MRC2: variants seen among roughly 807,000 people sequenced by gnomAD.
MRC2 encodes mannose receptor C-type 2.
MRC2 carries 84 observed loss-of-function variants against 206.2 expected under a neutral mutation model. That is an observed-to-expected ratio of 0.41 (90% confidence interval 0.34 to 0.49). MRC2 has a LOEUF of 0.49. Ranked by LOEUF, MRC2 falls within the 20% of genes least tolerant of loss-of-function variation. MRC2 has a pLI of 0.31. For synonymous variants in MRC2, 798 were observed against 800.0 expected (o/e 1.00, Z 0.04); for missense variants, 1,676 against 2,001.5 (o/e 0.84, Z 3.10).
At chr17:62,660,037 G>C (rs1365262662) in intron 1 of MRC2, among the ~76,000 whole-genome samples, 1 of 152,232 alleles carries the variant, frequency 6.6e-6, no homozygotes, top group African/African-American at 2.4e-5. Flanking sequence ...GGTTCTGGAA[G>C]TGGCAGAGTA....
chr17:62,689,033 G>A (rs2089067912), intron 23 of MRC2, 73 bp downstream of exon 23: 1 of 1,229,744 alleles, frequency 8.1e-7, no homozygotes, highest in African/African-American at 1.5e-5. Flanking sequence ...ACCATGCCAG[G>A]AGGAAGGAAT....
In MRC2 at chr17:62,667,009, A is replaced by G; in HGVS notation, c.973+139A>G. The G allele has an allele frequency of 1.4e-6, 1 of 714,768 alleles. No individual in the cohort carries two copies. Among genetic ancestry groups the G allele is most frequent in the Non-Finnish European group, 2.4e-6 (1 of 419,734 alleles). 44.3% of individuals were successfully genotyped at this position (714,768 alleles called of 1,614,324 possible). ...CACCGACCTCCACCCCCCTCCCCAGACTGCGCCCCCCTAGCCCATGTAGGG... is the reference window on the plus strand; with the variant it reads ...CACCGACCTCCACCCCCCTCCCCAGGCTGCGCCCCCCTAGCCCATGTAGGG... On this transcript the variant is annotated intron_variant, in intron 5 of 29. Coordinates refer to ENST00000303375, the MANE Select transcript of MRC2 (RefSeq NM_006039.5). The surrounding 1 kb of genome is among the most constrained non-coding windows in gnomAD (Gnocchi z 4.1).
intron 1 of MRC2, among the ~76,000 whole-genome samples, chr17:62,653,647 C>A (rs1568055629): frequency 6.6e-6 from 1 of 152,156 alleles, no homozygotes; most frequent in Non-Finnish European, 1.5e-5. Context: ...AGCAACAGCG[C>A]AACACTGGGA....
intron 6 of MRC2, among the ~76,000 whole-genome samples, chr17:62,669,124 AC>A (rs1165476613): frequency 6.7e-6 from 1 of 148,336 alleles, no homozygotes; most frequent in Non-Finnish European, 1.5e-5. Context: ...ACACACACAC[AC>A]AACACTAACT....
intron 23 of MRC2, 48 bp downstream of exon 23, chr17:62,689,008 G>A (rs375491625): frequency 4.0e-5 from 59 of 1,462,416 alleles, no homozygotes; most frequent in East Asian, 3.9e-4. Context: ...CCCTGGCACC[G>A]GGCTGGATGC....
At chr17:62,634,994 C>A (rs1291509617) in intron 1 of MRC2, among the ~76,000 whole-genome samples, 2 of 151,988 alleles carry the variant, frequency 1.3e-5, no homozygotes, top group East Asian at 3.9e-4. Context: ...CCACGCCCAG[C>A]TAATTTTTGT....
chr17:62,689,374 T>C, intron 23 of MRC2, 148 bp from the exon 24 acceptor site: 1 of 613,094 alleles, frequency 1.6e-6, no homozygotes, highest in Non-Finnish European at 2.9e-6. Context: ...ACAACAGGGC[T>C]GACACCTACC....
chr17:62,677,142 A>G, intron 11 of MRC2, 127 bp from the exon 12 acceptor site: 1 of 710,598 alleles, frequency 1.4e-6, no homozygotes, highest in African/African-American at 1.8e-5. Context: ...CCCAGAGAGC[A>G]TGTCTCTGAA....
chr17:62,652,702 C>G lies in MRC2; in HGVS notation c.119-11846C>G, dbSNP rs960552865. On this transcript the variant is annotated intron_variant, in intron 1 of 29. Coordinates refer to ENST00000303375, the MANE Select transcript of MRC2 (RefSeq NM_006039.5). The surrounding 1 kb of genome is among the most constrained non-coding windows in gnomAD (Gnocchi z 4.6). Reference sequence around the variant, plus strand: ...GAAGTGCCACAGATTGAGGGGCGCACGGCGGTGGAGGGAGGGGCGCCCAGT... The same window carrying G: ...GAAGTGCCACAGATTGAGGGGCGCAGGGCGGTGGAGGGAGGGGCGCCCAGT... 6.9e-6 allele frequency among the ~76,000 whole-genome samples: 1 copy of G among 145,550 alleles called. No homozygotes were observed.
In MRC2 at chr17:62,664,065, T is replaced by C. The variant is rs1056283216; in HGVS notation, c.119-483T>C. Among the ~76,000 whole-genome samples, 12 of 148,814 alleles carry C rather than the reference T, an allele frequency of 8.1e-5. No homozygotes were observed. Among genetic ancestry groups the C allele is most frequent in the Non-Finnish European group, 1.6e-4 (11 of 67,140 alleles). On this transcript the variant is annotated intron_variant, in intron 1 of 29. Transcript: ENST00000303375. This position sits in a 1 kb window ranked among gnomAD's most constrained non-coding sequence, Gnocchi z 4.7. The stretch of plus-strand genomic sequence containing the variant: ...AGCTCCGCCTCCCGGGTTCACGCCA[T>C]TCTCCTGCCTCAGCCTCCCAAGTAG...
At chr17:62,649,189 C>T (rs1273723920) in intron 1 of MRC2, among the ~76,000 whole-genome samples, 5 of 152,236 alleles carry the variant, frequency 3.3e-5, no homozygotes, top group African/African-American at 9.6e-5. Flanking sequence ...GGGGCAGGCC[C>T]GGCTGATCTG....
intron 23 of MRC2, 63 bp downstream of exon 23, chr17:62,689,023 A>G (rs1196267813): frequency 3.8e-6 from 5 of 1,328,840 alleles, no homozygotes; most frequent in Non-Finnish European, 5.4e-6. Context: ...GGATGCTGGG[A>G]CCATGCCAGG....
Position 62,692,149 on chromosome 17 carries a change from G to A in MRC2, c.4219+11G>A. ...GCTTCTCCCCATCAGGTGAGTGAAA[G>A]GCAATGCCCCCAGGTGGGCAGGCAG... On this transcript the variant is annotated intron_variant, in intron 29 of 29. Coordinates refer to ENST00000303375, the MANE Select transcript of MRC2 (RefSeq NM_006039.5). The surrounding 1 kb of genome is among the most constrained non-coding windows in gnomAD (Gnocchi z 4.2). 6.2e-7 allele frequency: 1 copy of A among 1,614,222 alleles called. No homozygotes were observed. The highest frequency in any genetic ancestry group is 8.5e-7 in the Non-Finnish European group (1 of 1,180,056).
chr17:62,682,320 C>G lies in MRC2; in HGVS notation c.2889C>G (p.Asp963Glu). 1 of 1,607,784 alleles carries G rather than the reference C, an allele frequency of 6.2e-7. No homozygotes were observed. The highest frequency in any genetic ancestry group is 8.5e-7 in the Non-Finnish European group (1 of 1,177,348). The change falls in exon 20 of 30, where the codon GAC (aspartate) becomes GAG (glutamate). Residue 963 changes from aspartate to glutamate, a missense_variant. Physicochemically the swap from Asp to Glu is conservative, Grantham distance 45. Coordinates refer to ENST00000303375, the MANE Select transcript of MRC2 (RefSeq NM_006039.5). ...TCACCAAAGAAACGCAGCCCCCAGA[C>G]CTGCCAACTACAGCCCTGGGGGGCT... ...SNVTKETQPPDLPTTALGGCP... is the reference protein window; with the variant it reads ...SNVTKETQPPELPTTALGGCP...
At chr17:62,662,422 C>T (rs1240352792) in intron 1 of MRC2, among the ~76,000 whole-genome samples, 1 of 152,188 alleles carries the variant, frequency 6.6e-6, no homozygotes, top group East Asian at 1.9e-4. Context: ...AATTGCTTCA[C>T]CACCCTCAGC....
intron 1 of MRC2, among the ~76,000 whole-genome samples, chr17:62,647,049 C>T (rs193182099): frequency 8.1e-4 from 123 of 152,144 alleles, no homozygotes; most frequent in Non-Finnish European, 1.3e-3. Context: ...GCCCACACAC[C>T]GGCATTGCAA....
chr17:62,664,734 A>C lies in MRC2; in HGVS notation c.305A>C (p.Asn102Thr). The change falls in exon 2 of 30, where the codon AAC (asparagine) becomes ACC (threonine). Residue 102 changes from asparagine (N) to threonine (T), a missense_variant. Physicochemically the swap from Asn to Thr is moderately conservative, Grantham distance 65. This residue lies in a region of MRC2 where 318 missense variants were observed against 346.7 expected (regional missense o/e 0.92). Transcript: ENST00000303375. The surrounding 1 kb of genome is among the most constrained non-coding windows in gnomAD (Gnocchi z 4.7). ...CTGGGCACAGGCTGGCCAGGCACCA[A>C]CACCACGGCCTCCCTGGGCATGTAT... ...QCLGTGWPGT[N>T]TTASLGMYEC... 6.2e-7 allele frequency: 1 copy of C among 1,613,996 alleles called. No homozygotes were observed. The highest frequency in any genetic ancestry group is 8.5e-7 in the Non-Finnish European group (1 of 1,180,020).
chr17:62,679,112 A>T (rs2088929590), intron 13 of MRC2, among the ~76,000 whole-genome samples: 2 of 152,082 alleles, frequency 1.3e-5, no homozygotes, highest in South Asian at 4.1e-4. Context: ...CCTCTGAGAC[A>T]CCACCTCTGT....
Position 62,675,854 on chromosome 17 carries a change from C to T in MRC2, c.1634C>T (p.Ala545Val). 1 of 1,614,136 alleles carries T rather than the reference C, an allele frequency of 6.2e-7. No individual in the cohort carries two copies. The highest frequency in any genetic ancestry group is 8.5e-7 in the Non-Finnish European group (1 of 1,180,006). Residue 545 changes from alanine to valine, a missense_variant, in exon 10 of 30, where the codon GCC becomes GTC. Around this residue, in one of 3 missense-constraint regions of MRC2, gnomAD observed 1,354 missense variants for 1,636.6 expected, o/e 0.83. Transcript: ENST00000303375. The surrounding 1 kb of genome is among the most constrained non-coding windows in gnomAD (Gnocchi z 4.1). ...LGEDQVTYSEARRLCTDHGSQ... is the reference protein window; with the variant it reads ...LGEDQVTYSEVRRLCTDHGSQ... Reference sequence around the variant, plus strand: ...GAAGACCAAGTGACCTACAGTGAGGCCCGGCGCCTGTGCACTGACCATGGC... The same window carrying T: ...GAAGACCAAGTGACCTACAGTGAGGTCCGGCGCCTGTGCACTGACCATGGC...
Sources: gnomAD v4.1 joint callset for allele counts (sites outside exome capture counted in the v4.1 genomes callset) on GRCh38, gnomAD v4.1.1 for gene constraint, gnomAD v4.1.1 regional missense constraint, Gnocchi (gnomAD v3.1) non-coding constraint, MANE v1.5 for transcripts, NCBI Gene and HGNC (gene_info 2026-07-23, HGNC 2026-07-21) for gene names.